Variants in FADS3 observed in about 807,000 individuals in gnomAD.
FADS3 encodes the protein cytochrome b5-related protein.
A neutral mutation model predicts 60.4 loss-of-function variants in FADS3; 30 were observed. The observed-to-expected ratio is 0.50, with a 90% CI of 0.37 to 0.67. The LOEUF (loss-of-function observed/expected upper bound fraction) is 0.67. Among genes scored for constraint, FADS3 ranks in the 30% least tolerant of loss-of-function variants. FADS3 has a pLI of 0.00. For synonymous variants in FADS3, 234 were observed against 249.3 expected (o/e 0.94, Z 0.58); for missense variants, 432 against 598.3 (o/e 0.72, Z 2.90).
chr11:61,875,538 A>G (rs1338537695), intron 11 of FADS3, among the ~76,000 whole-genome samples: 1 of 152,034 alleles, frequency 6.6e-6, no homozygotes, highest in African/African-American at 2.4e-5. Flanking sequence ...CGGCCCTGAG[A>G]CATGGCTTCT....
Position 61,876,587 on chromosome 11 carries a change from C to G in FADS3, c.984-132G>C. 1.3e-6 allele frequency: 1 copy of G among 755,588 alleles called. No homozygotes were observed. The highest frequency in any genetic ancestry group is 1.6e-5 in the South Asian group (1 of 63,612). 46.8% of individuals were successfully genotyped at this position (755,588 alleles called of 1,614,324 possible). A position where few individuals can be genotyped will look rare whatever the true frequency, so the allele number is the denominator to read the frequency against. On this transcript the variant is annotated intron_variant, in intron 8 of 11. Transcript: ENST00000278829. The surrounding 1 kb of genome is among the most constrained non-coding windows in gnomAD (Gnocchi z 5.7). ...ACAATAGGATTGTGGCCATCGCCCC[C>G]TTGCCAGTGTTTAAAGAATCTGAAT...
chr11:61,886,484 T>G (rs144869059), intron 1 of FADS3, among the ~76,000 whole-genome samples: 2 of 152,090 alleles, frequency 1.3e-5, no homozygotes, highest in African/African-American at 4.8e-5. Flanking sequence ...GAGTGGCCAT[T>G]AGGGGACTTT....
chr11:61,890,363 C>T (rs912442092), intron 1 of FADS3: 3 of 152,278 alleles, frequency 2.0e-5, no homozygotes, highest in African/African-American at 7.2e-5. Context: ...GATTCATGTC[C>T]TCGGGTCTTG....
intron 1 of FADS3, among the ~76,000 whole-genome samples, chr11:61,884,708 C>T (rs1658304439): frequency 1.3e-5 from 2 of 152,152 alleles, no homozygotes; most frequent in African/African-American, 2.4e-5. Context: ...ACCCTAAGTG[C>T]ACCCAGGAAC....
Position 61,877,483 on chromosome 11 carries a change from G to A in FADS3, c.885+28C>T. 1 of 1,607,748 alleles carries A rather than the reference G, an allele frequency of 6.2e-7. No individual in the cohort carries two copies. The highest frequency in any genetic ancestry group is 8.5e-7 in the Non-Finnish European group (1 of 1,177,324). On this transcript the variant is annotated intron_variant, in intron 7 of 11. Coordinates refer to ENST00000278829, the MANE Select transcript of FADS3 (RefSeq NM_021727.5). The surrounding 1 kb of genome is among the most constrained non-coding windows in gnomAD (Gnocchi z 4.7). ...CCACCTCCTGCCACGGCAGCCGTAT[G>A]CCCGGGGTCCTGGGCAACCCCACTC...
intron 11 of FADS3, 123 bp from the exon 12 acceptor site, chr11:61,873,988 G>A: frequency 1.6e-6 from 1 of 639,598 alleles, no homozygotes; most frequent in South Asian, 1.9e-5. Context: ...TCCCTTCCCT[G>A]GGGGCAGGCA....
At chr11:61,875,351 C>T (rs1412826287) in intron 11 of FADS3, among the ~76,000 whole-genome samples, 1 of 149,428 alleles carries the variant, frequency 6.7e-6, no homozygotes. Flanking sequence ...GGATTATGGG[C>T]ACCTGCCACC....
chr11:61,877,120 A>C lies in FADS3; in HGVS notation c.886-157T>G. 1.7e-6 allele frequency: 1 copy of C among 586,756 alleles called. No individual in the cohort carries two copies. 36.3% of individuals were successfully genotyped at this position (586,756 alleles called of 1,614,324 possible). A position where few individuals can be genotyped will look rare whatever the true frequency, so the allele number is the denominator to read the frequency against. On this transcript the variant is annotated intron_variant, in intron 7 of 11. Transcript: ENST00000278829. The surrounding 1 kb of genome is among the most constrained non-coding windows in gnomAD (Gnocchi z 4.7). ...CCACCCTCTCTGGTTTTCTCAGCTGAGTAAAGGAACAGGGTCCTTGCCCTG... is the reference window on the plus strand; with the variant it reads ...CCACCCTCTCTGGTTTTCTCAGCTGCGTAAAGGAACAGGGTCCTTGCCCTG...
chr11:61,879,814 C>T (rs1172554401), intron 2 of FADS3, among the ~76,000 whole-genome samples: 8 of 152,210 alleles, frequency 5.3e-5, no homozygotes, highest in African/African-American at 1.4e-4. Context: ...GGGATCCAAA[C>T]GGGTGCCTGG....
chr11:61,876,822 G>A lies in FADS3; in HGVS notation c.983+44C>T, dbSNP rs749212681. ...AGCTCTGGTGGGGGGCTGCAGTGGG[G>A]GTCACCTGTCGCCTGTGTGTGACCT... is the stretch of plus-strand genomic sequence containing the variant. On this transcript the variant is annotated intron_variant, in intron 8 of 11. Transcript: ENST00000278829. This position sits in a 1 kb window ranked among gnomAD's most constrained non-coding sequence, Gnocchi z 5.7. The A allele has an allele frequency of 4.8e-6, 7 of 1,455,208 alleles. No individual in the cohort carries two copies. The Admixed American group carries it at 1.3e-4, about 28-fold the overall frequency. 90.1% of individuals were successfully genotyped at this position (1,455,208 alleles called of 1,614,324 possible). A position where few individuals can be genotyped will look rare whatever the true frequency, so the allele number is the denominator to read the frequency against.
rs1024530664 is a variant in FADS3, at chr11:61,877,389, T to G, written c.885+122A>C. On this transcript the variant is annotated intron_variant, in intron 7 of 11. Transcript: ENST00000278829. The surrounding 1 kb of genome is among the most constrained non-coding windows in gnomAD (Gnocchi z 4.7). ...AGCCACACTGTTGCACGCATACATG[T>G]GAGCCACACTGTTGCACGCACATGT... The G allele has an allele frequency of 2.0e-5, 16 of 811,212 alleles. No individual in the cohort carries two copies. The South Asian group carries it at 2.4e-4, about 12-fold the overall frequency. 50.3% of individuals were successfully genotyped at this position (811,212 alleles called of 1,614,324 possible). A position where few individuals can be genotyped will look rare whatever the true frequency, so the allele number is the denominator to read the frequency against.
At chr11:61,885,123 GAT>G (rs1181719702) in intron 1 of FADS3, among the ~76,000 whole-genome samples, 1 of 152,184 alleles carries the variant, frequency 6.6e-6, no homozygotes, top group Non-Finnish European at 1.5e-5. Context: ...GCTCTCTCAG[GAT>G]ACAGAGACAG....
intron 1 of FADS3, among the ~76,000 whole-genome samples, chr11:61,889,805 G>A (rs1214309345): frequency 3.3e-5 from 5 of 152,174 alleles, no homozygotes; most frequent in East Asian, 3.8e-4. Context: ...AGACCAGCCC[G>A]AGCAACATAG....
At chr11:61,888,956 C>T (rs1938402962) in intron 1 of FADS3, among the ~76,000 whole-genome samples, 1 of 152,196 alleles carries the variant, frequency 6.6e-6, no homozygotes, top group Admixed American at 6.5e-5. Context: ...AGTGCAATGG[C>T]GCGATCTCGG....
In FADS3 at chr11:61,875,912, C is replaced by T; in HGVS notation, c.1225G>A (p.Ala409Thr). 6.2e-7 allele frequency: 1 copy of T among 1,613,842 alleles called. No individual in the cohort carries two copies. Among genetic ancestry groups the T allele is most frequent in the Non-Finnish European group, 8.5e-7 (1 of 1,180,042 alleles). The change falls in exon 11 of 12, where the codon GCC (alanine) becomes ACC (threonine). Residue 409 changes from alanine to threonine, a missense_variant. Around this residue, in one of 5 missense-constraint regions of FADS3, gnomAD observed 63 missense variants for 64.5 expected, o/e 0.98. Transcript: ENST00000278829. Reference protein sequence around the residue: ...RVAPLVKSLCAKHGLSYEVKP... With the variant: ...RVAPLVKSLCTKHGLSYEVKP... Reference sequence around the variant, plus strand: ...ACTTCGTAGCTGAGGCCGTGCTTGGCACACAGCGACTTGACCAGCGGGGCC... The same window carrying T: ...ACTTCGTAGCTGAGGCCGTGCTTGGTACACAGCGACTTGACCAGCGGGGCC...
rs1937993049 is a variant in FADS3 at position 61,878,398 on chromosome 11, C to G, written c.747+114G>C. ...GACACGGGGGCAGAGCTTGGCCCAGCCAGAGTGGAGGCCAGATCAGGGGCT... is the reference window on the plus strand; with the variant it reads ...GACACGGGGGCAGAGCTTGGCCCAGGCAGAGTGGAGGCCAGATCAGGGGCT... On this transcript the variant is annotated intron_variant, in intron 5 of 11. Coordinates refer to ENST00000278829, the MANE Select transcript of FADS3 (RefSeq NM_021727.5). The G allele has an allele frequency of 1.5e-5, 23 of 1,485,196 alleles. 2 individuals carry two copies. The Admixed American group carries it at 3.8e-4, about 24-fold the overall frequency. The allele number at this position is 1,485,196 out of a possible 1,614,324, so 92.0% of individuals were successfully genotyped here. A position where few individuals can be genotyped will look rare whatever the true frequency, so the allele number is the denominator to read the frequency against.
chr11:61,882,235 C>CT (rs2135997011), intron 1 of FADS3: 1 of 150,800 alleles, frequency 6.6e-6, no homozygotes, highest in Non-Finnish European at 1.5e-5. Context: ...CTTAGCCTCT[C>CT]TCGTAGCTGT....
intron 1 of FADS3, chr11:61,880,701 T>TGAAC (rs1938098679): frequency 6.6e-6 from 1 of 152,166 alleles, no homozygotes; most frequent in South Asian, 2.1e-4. Context: ...GGAAGACACT[T>TGAAC]GAACAGTTAA....
Position 61,876,236 on chromosome 11 carries a change from C to G in FADS3, c.1081-46G>C. 6.3e-7 allele frequency: 1 copy of G among 1,576,516 alleles called. No homozygotes were observed. Among genetic ancestry groups the G allele is most frequent in the East Asian group, 2.3e-5 (1 of 43,004 alleles). ...ACATGTGAGGAGGCCGTTGCAGATC[C>G]CTGACCCCACGGCACCATCCCCCAC... On this transcript the variant is annotated intron_variant, in intron 9 of 11. Transcript: ENST00000278829. This position sits in a 1 kb window ranked among gnomAD's most constrained non-coding sequence, Gnocchi z 5.7.
Sources: allele counts gnomAD v4.1 joint callset (sites outside exome capture counted in the v4.1 genomes callset), GRCh38; gene constraint gnomAD v4.1.1; regional missense constraint gnomAD v4.1.1; non-coding constraint Gnocchi (gnomAD v3.1); transcripts MANE v1.5; gene names NCBI Gene and HGNC (gene_info 2026-07-23, HGNC 2026-07-21).